The following BMPER variants were observed in gnomAD, a reference collection of about 807,000 sequenced individuals.
BMPER encodes BMP-binding endothelial regulator protein.
A neutral mutation model predicts 87.3 loss-of-function variants in BMPER; 45 were observed. That is an observed-to-expected ratio of 0.52 (90% CI 0.41 to 0.66). The LOEUF is 0.66. BMPER is among the 30% of genes least tolerant of loss of function. The pLI, the probability that BMPER is intolerant of heterozygous loss-of-function variation, is 0.00. For missense variants in BMPER, 784 were observed against 867.5 expected (o/e 0.90, Z 1.21); for synonymous variants, 326 against 316.2 (o/e 1.03, Z -0.33).
intron 6 of BMPER, among the ~76,000 whole-genome samples, chr7:33,986,648 G>A (rs186292514): frequency 3.2e-4 from 49 of 152,268 alleles, no homozygotes; most frequent in Non-Finnish European, 5.3e-4. Flanking sequence ...CTTAAGAGTA[G>A]CTGTGTGAAG....
At chr7:33,959,171 G>T (rs1163544562) in intron 3 of BMPER, among the ~76,000 whole-genome samples, 1 of 152,160 alleles carries the variant, frequency 6.6e-6, no homozygotes, top group Non-Finnish European at 1.5e-5. Context: ...TGTGAGAACA[G>T]ATTAATACAA....
chr7:34,111,845 C>A (rs1426236809), intron 13 of BMPER, among the ~76,000 whole-genome samples: 1 of 152,150 alleles, frequency 6.6e-6, no homozygotes, highest in Non-Finnish European at 1.5e-5. Flanking sequence ...TCCCAAGTAG[C>A]TGGGATTATA....
At chr7:33,942,157 T>A (rs1784784704) in intron 3 of BMPER, among the ~76,000 whole-genome samples, 1 of 152,088 alleles carries the variant, frequency 6.6e-6, no homozygotes, top group East Asian at 1.9e-4. Context: ...TTCCTGTTTG[T>A]TTGTTCTTCC....
chr7:33,966,631 CAACATAG>C, intron 4 of BMPER, 70 bp downstream of exon 4: 1 of 1,442,058 alleles, frequency 6.9e-7, no homozygotes, highest in Non-Finnish European at 9.7e-7. Flanking sequence ...CCCCTTCACA[CAACATAG>C]AACAAAACCC....
intron 12 of BMPER, among the ~76,000 whole-genome samples, chr7:34,079,578 G>C (rs2127974266): frequency 6.6e-6 from 1 of 152,290 alleles, no homozygotes; most frequent in African/African-American, 2.4e-5. Flanking sequence ...TCCCAGCTCA[G>C]CTAGCTATGT....
intron 3 of BMPER, among the ~76,000 whole-genome samples, chr7:33,958,388 A>T (rs531979561): frequency 2.4e-4 from 36 of 152,212 alleles, no homozygotes; most frequent in Non-Finnish European, 5.0e-4. Flanking sequence ...TGAAAGGCCC[A>T]AGGCTTAGCA....
chr7:33,906,910 G>A lies in BMPER; in HGVS notation c.219+7G>A. On this transcript the variant is annotated splice_region_variant and intron_variant, in intron 2 of 14. Coordinates refer to ENST00000649409, the MANE Select transcript of BMPER (RefSeq NM_001365308.1). The stretch of plus-strand genomic sequence containing the variant: ...CATAATGTGTGTCTGCTTGGTAAGT[G>A]TGGAGATCAGGTAATATGAACTCAA... 3.7e-6 allele frequency: 6 copies of A among 1,607,020 alleles called. No individual in the cohort carries two copies. Among genetic ancestry groups the A allele is most frequent in the Non-Finnish European group, 5.1e-6 (6 of 1,173,844 alleles).
At chr7:34,030,605 A>T (rs1359265045) in intron 6 of BMPER, among the ~76,000 whole-genome samples, 1 of 151,788 alleles carries the variant, frequency 6.6e-6, no homozygotes, top group African/African-American at 2.4e-5. Flanking sequence ...GCTGCAGGAG[A>T]TTATTGATAG....
chr7:33,905,440 C>T (rs1439158527), upstream of BMPER: 1 of 250,182 alleles, frequency 4.0e-6, no homozygotes, highest in Admixed American at 4.7e-5. Flanking sequence ...TTGGTCTCTC[C>T]CCCCGCCCTC....
At chr7:34,015,998 AAG>A (rs1261015394) in intron 6 of BMPER, among the ~76,000 whole-genome samples, 2 of 151,178 alleles carry the variant, frequency 1.3e-5, no homozygotes, top group African/African-American at 4.9e-5. Context: ...GAGAGAGAGG[AAG>A]AGAGAGAGTG....
chr7:34,053,505 G>C (rs1788198410), intron 8 of BMPER, among the ~76,000 whole-genome samples: 1 of 152,052 alleles, frequency 6.6e-6, no homozygotes, highest in Non-Finnish European at 1.5e-5. Flanking sequence ...TTAACTAATA[G>C]CCTACTGTTG....
In BMPER at chr7:34,047,076, G is replaced by T. The variant is rs373241322; in HGVS notation, c.676+671G>T. Reference sequence around the variant, plus strand: ...TTGATGGCAGCCCAGCGAGTGGGTTGTGGATTTGATATCCGACCACAAATC... The same window carrying T: ...TTGATGGCAGCCCAGCGAGTGGGTTTTGGATTTGATATCCGACCACAAATC... On this transcript the variant is annotated intron_variant, in intron 7 of 14. Coordinates refer to ENST00000649409, the MANE Select transcript of BMPER (RefSeq NM_001365308.1). Among the ~76,000 whole-genome samples the T allele has an allele frequency of 6.0e-4, 91 of 152,170 alleles. 1 individual carries two copies. Among genetic ancestry groups the T allele is most frequent in the African/African-American group, 2.1e-3 (87 of 41,534 alleles).
intron 6 of BMPER, chr7:34,042,801 A>G (rs1033883228): frequency 6.6e-6 from 1 of 152,196 alleles, no homozygotes; most frequent in Non-Finnish European, 1.5e-5. Context: ...TACCCCCAAG[A>G]CAGTTTAGCT....
At chr7:33,995,128 A>G (rs181409242) in intron 6 of BMPER, among the ~76,000 whole-genome samples, 1 of 152,206 alleles carries the variant, frequency 6.6e-6, no homozygotes, top group Non-Finnish European at 1.5e-5. Context: ...GAATATTATC[A>G]TAAATTATAT....
In BMPER at chr7:34,028,601, G is replaced by GTTTTTTTTTTTTTTTTTTTTTT; in HGVS notation, c.577-17694_577-17673dup. ...ACATACAGTCCAAATCATTTTTTCTGTTTTTTTTTTTTTTTTTTTTTTTTT... is the reference window on the plus strand; with the variant it reads ...ACATACAGTCCAAATCATTTTTTCTGTTTTTTTTTTTTTTTTTTTTTTTTTTTTTTTTTTTTTTTTTTTTTTT... On this transcript the variant is annotated intron_variant, in intron 6 of 14. Coordinates refer to ENST00000649409, the MANE Select transcript of BMPER (RefSeq NM_001365308.1). 1.2e-3 allele frequency among the ~76,000 whole-genome samples: 42 copies of GTTTTTTTTTTTTTTTTTTTTTT among 36,062 alleles called. 2 individuals are homozygous for GTTTTTTTTTTTTTTTTTTTTTT. The highest frequency in any genetic ancestry group is 4.9e-3 in the East Asian group (4 of 820). The allele number at this position is 36,062 out of a possible 152,430, so 23.7% of individuals were successfully genotyped here. A position where few individuals can be genotyped will look rare whatever the true frequency, so the allele number is the denominator to read the frequency against.
At chr7:33,969,726 T>A (rs1785491534) in intron 4 of BMPER, among the ~76,000 whole-genome samples, 1 of 152,204 alleles carries the variant, frequency 6.6e-6, no homozygotes, top group Admixed American at 6.5e-5. Context: ...AGCCCTAAAG[T>A]CCCTATTTTG....
chr7:34,041,235 G>T (rs1488354626), intron 6 of BMPER, among the ~76,000 whole-genome samples: 8 of 152,242 alleles, frequency 5.3e-5, no homozygotes. Context: ...CTCATTCTCT[G>T]CTGTAGGGGT....
At chr7:34,069,716 T>C (rs948449619) in intron 11 of BMPER, among the ~76,000 whole-genome samples, 2 of 152,202 alleles carry the variant, frequency 1.3e-5, no homozygotes, top group African/African-American at 2.4e-5. Flanking sequence ...TAGTGGCTTC[T>C]ACTTACAAGC....
chr7:34,011,955 A>C (rs1786894618), intron 6 of BMPER, among the ~76,000 whole-genome samples: 1 of 151,942 alleles, frequency 6.6e-6, no homozygotes, highest in South Asian at 2.1e-4. Flanking sequence ...ATGCATCCAG[A>C]GTTGAATGTC....
Sources: allele counts gnomAD v4.1 joint callset (sites outside exome capture counted in the v4.1 genomes callset), GRCh38; gene constraint gnomAD v4.1.1; transcripts MANE v1.5; gene names NCBI Gene and HGNC (gene_info 2026-07-23, HGNC 2026-07-21).